KIAA1549L: variants seen among roughly 807,000 people sequenced by gnomAD.
The protein encoded by KIAA1549L is UPF0606 protein KIAA1549L.
KIAA1549L carries 88 observed loss-of-function variants against 160.7 expected under a neutral mutation model. That is an observed-to-expected ratio of 0.55 (90% CI 0.46 to 0.65). The LOEUF is 0.65. Ranked by LOEUF, KIAA1549L falls within the 30% of genes least tolerant of loss-of-function variation. The pLI is 0.00. For synonymous variants in KIAA1549L, 950 were observed against 976.7 expected (o/e 0.97, Z 0.51); for missense variants, 2,258 against 2,437.5 (o/e 0.93, Z 1.55).
intron 1 of KIAA1549L, among the ~76,000 whole-genome samples, chr11:33,471,048 TG>T (rs1231857186): frequency 6.6e-6 from 1 of 152,036 alleles, no homozygotes; most frequent in African/African-American, 2.4e-5. Context: ...TTCAAACTCC[TG>T]GGCTCAAGGG....
At chr11:33,495,715 A>G (rs1345399994) in intron 1 of KIAA1549L, among the ~76,000 whole-genome samples, 2 of 152,012 alleles carry the variant, frequency 1.3e-5, no homozygotes, top group African/African-American at 2.4e-5. Flanking sequence ...GACTTCCACA[A>G]TGGTTGAACT....
At chr11:33,505,148 A>C (rs1853050385) in intron 1 of KIAA1549L, among the ~76,000 whole-genome samples, 1 of 152,192 alleles carries the variant, frequency 6.6e-6, no homozygotes, top group South Asian at 2.1e-4. Context: ...TAACAATAGC[A>C]CTCTGAAGTC....
intron 1 of KIAA1549L, among the ~76,000 whole-genome samples, chr11:33,506,691 G>A (rs1481195719): frequency 4.0e-5 from 6 of 150,166 alleles, no homozygotes; most frequent in Admixed American, 2.0e-4. Flanking sequence ...ACTCTAGCCC[G>A]GGTGACAGAA....
chr11:33,619,397 T>G (rs1850902879), intron 16 of KIAA1549L, among the ~76,000 whole-genome samples: 1 of 152,226 alleles, frequency 6.6e-6, no homozygotes, highest in Admixed American at 6.5e-5. Flanking sequence ...CTAAAATGTT[T>G]CTCTAAATAC....
At position 33,403,248 on chromosome 11, in the gene KIAA1549L, GACAC is replaced by G. The variant is rs745452692; in HGVS notation, c.238+26367_238+26370del. On this transcript the variant is annotated intron_variant, in intron 1 of 20. Transcript: ENST00000658780. ...ACACAGACACAAACACACATATGCA[GACAC>G]ACACACAGACACAGACACACACAGA... 4 of 5,716 alleles carry G rather than the reference GACAC, an allele frequency of 7.0e-4. No homozygotes were observed. The Admixed American group carries it at 7.4e-3, about 11-fold the overall frequency. The allele number at this position is 5,716 out of a possible 1,614,324, so 0.4% of individuals were successfully genotyped here.
chr11:33,498,489 G>C (rs998220254), intron 1 of KIAA1549L, among the ~76,000 whole-genome samples: 1 of 152,152 alleles, frequency 6.6e-6, no homozygotes, highest in Non-Finnish European at 1.5e-5. Flanking sequence ...TAAACAGTGA[G>C]GACCAACTTG....
intron 1 of KIAA1549L, among the ~76,000 whole-genome samples, chr11:33,409,404 T>G (rs1220710470): frequency 6.6e-6 from 1 of 152,200 alleles, no homozygotes; most frequent in African/African-American, 2.4e-5. Context: ...AGTTCTTGTT[T>G]TTCTTGCTGG....
At chr11:33,387,263 G>A (rs1432787931) in intron 1 of KIAA1549L, among the ~76,000 whole-genome samples, 1 of 152,078 alleles carries the variant, frequency 6.6e-6, no homozygotes, top group Non-Finnish European at 1.5e-5. Context: ...AAAATAAAAA[G>A]TATCAGGTAC....
chr11:33,608,148 T>C (rs1181826802), intron 14 of KIAA1549L, among the ~76,000 whole-genome samples: 1 of 152,226 alleles, frequency 6.6e-6, no homozygotes. Flanking sequence ...GAGCCTCAGA[T>C]CTTTTACTTA....
chr11:33,649,622 A>C (rs915025726), intron 17 of KIAA1549L, among the ~76,000 whole-genome samples: 1 of 151,860 alleles, frequency 6.6e-6, no homozygotes, highest in African/African-American at 2.4e-5. Context: ...TAAAATTGGG[A>C]ATTTTATGGT....
intron 16 of KIAA1549L, among the ~76,000 whole-genome samples, chr11:33,625,032 G>C (rs1479644666): frequency 2.0e-5 from 3 of 151,492 alleles, no homozygotes; most frequent in Non-Finnish European, 4.4e-5. Context: ...TCTTGCGATA[G>C]TTTACTAAGA....
intron 15 of KIAA1549L, among the ~76,000 whole-genome samples, chr11:33,611,202 C>T (rs568166614): frequency 4.3e-4 from 65 of 152,344 alleles, no homozygotes; most frequent in African/African-American, 1.5e-3. Flanking sequence ...TTTGAGGCCA[C>T]CTCTTTCCCA....
chr11:33,665,424 C>A (rs1852409820), intron 20 of KIAA1549L: 4 of 152,184 alleles, frequency 2.6e-5, no homozygotes, highest in Admixed American at 2.6e-4. Flanking sequence ...AGCGTGGCTC[C>A]TCTCCGCAGC....
intron 1 of KIAA1549L, among the ~76,000 whole-genome samples, chr11:33,386,878 G>A (rs1415948438): frequency 6.6e-6 from 1 of 152,246 alleles, no homozygotes. Context: ...AGCCCAAGGA[G>A]GGTGGATCAC....
Position 33,543,715 on chromosome 11 carries a change from CA to C in KIAA1549L, c.2153del (p.Gln718ArgfsTer7). Reference protein sequence around the residue: ...STESIISGLQQQTNYDLNGHT... With the variant: ...STESIISGLQXQTNYDLNGHT... Reference sequence around the variant, plus strand: ...AGAATCAATAATATCTGGCTTGCAGCAGCAAACAAATTATGATTTAAATGGA... The same window carrying C: ...AGAATCAATAATATCTGGCTTGCAGCGCAAACAAATTATGATTTAAATGGA... On this transcript the variant is annotated frameshift_variant, in exon 2 of 21. Coordinates refer to ENST00000658780, the MANE Select transcript of KIAA1549L (RefSeq NM_012194.3). LOFTEE classifies it high-confidence loss of function. 6.2e-7 allele frequency: 1 copy of C among 1,614,008 alleles called. No individual in the cohort carries two copies. Among genetic ancestry groups the C allele is most frequent in the Non-Finnish European group, 8.5e-7 (1 of 1,179,892 alleles).
At chr11:33,417,937 C>A (rs1485877073) in intron 1 of KIAA1549L, among the ~76,000 whole-genome samples, 1 of 152,102 alleles carries the variant, frequency 6.6e-6, no homozygotes, top group African/African-American at 2.4e-5. Flanking sequence ...ACCACCACGC[C>A]CAGCTAATTT....
intron 15 of KIAA1549L, among the ~76,000 whole-genome samples, 155 bp from the exon 16 acceptor site, chr11:33,618,378 C>G (rs1457843912): frequency 1.3e-5 from 2 of 152,196 alleles, no homozygotes; most frequent in Non-Finnish European, 2.9e-5. Flanking sequence ...TTCACTCTTT[C>G]TACAGCCCCT....
At position 33,542,019 on chromosome 11, in the gene KIAA1549L, C is replaced by T. The variant is rs374423048; in HGVS notation, c.456C>T (p.His152=). The T allele has an allele frequency of 6.6e-6, 3 of 455,138 alleles. No individual in the cohort carries two copies. Among genetic ancestry groups the T allele is most frequent in the South Asian group, 3.1e-5 (2 of 64,226 alleles). 28.2% of individuals were successfully genotyped at this position (455,138 alleles called of 1,614,324 possible). ...AGACACACCACAGAACTAGGGCTCA[C>T]GCGGACTTCTCTTCTTCCCTTTACC... ...ASKTHHRTRA[H]ADFSSSLYQG... Residue 152 remains histidine, a synonymous_variant, in exon 2 of 21, where the codon CAC becomes CAT. Coordinates refer to ENST00000658780, the MANE Select transcript of KIAA1549L (RefSeq NM_012194.3).
chr11:33,628,141 T>C (rs1457921078), intron 16 of KIAA1549L, among the ~76,000 whole-genome samples: 3 of 151,744 alleles, frequency 2.0e-5, no homozygotes, highest in East Asian at 3.9e-4. Flanking sequence ...TGCACTGTGG[T>C]CTGAGAGATA....
Sources: gnomAD v4.1 joint callset for allele counts (sites outside exome capture counted in the v4.1 genomes callset) on GRCh38, gnomAD v4.1.1 for gene constraint, MANE v1.5 for transcripts, NCBI Gene and HGNC (gene_info 2026-07-23, HGNC 2026-07-21) for gene names.